The following WDR26 variants were observed in gnomAD, a reference collection of about 807,000 sequenced individuals.
WDR26 encodes the protein WD repeat-containing protein 26.
WDR26 carries 5 observed loss-of-function variants against 84.1 expected under a neutral mutation model. The ratio of observed to expected loss-of-function variants is 0.06; its 90% CI spans 0.03 to 0.13. The LOEUF (loss-of-function observed/expected upper bound fraction) is 0.13. Among genes scored for constraint, WDR26 ranks in the 10% least tolerant of loss-of-function variants. The pLI is 1.00. For missense variants in WDR26, 642 were observed against 974.9 expected (o/e 0.66, Z 4.55); for synonymous variants, 415 against 389.6 (o/e 1.07, Z -0.77).
chr1:224,393,863 C>A lies in WDR26; in HGVS notation c.2225G>T (p.Gly742Val). The change falls in exon 13 of 14, where the codon GGA becomes GTA. Residue 742 changes from glycine to valine, a missense_variant. Gly to Val is a moderately radical substitution (Grantham distance 109). Around this residue, in one of 2 missense-constraint regions of WDR26, gnomAD observed 351 missense variants for 672.8 expected, o/e 0.52. Transcript: ENST00000414423. ...CTGGTGGTCTATAAAAGGTGCTGGTCCCCATATTCTAACAGTGCCATCATC... is the reference window on the plus strand; with the variant it reads ...CTGGTGGTCTATAAAAGGTGCTGGTACCCATATTCTAACAGTGCCATCATC... The A allele has an allele frequency of 6.4e-7, 1 of 1,570,738 alleles. No homozygotes were observed. The highest frequency in any genetic ancestry group is 1.1e-5 in the South Asian group (1 of 87,206).
chr1:224,402,297 T>C (rs1673440583), intron 8 of WDR26, among the ~76,000 whole-genome samples: 1 of 152,180 alleles, frequency 6.6e-6, no homozygotes, highest in Non-Finnish European at 1.5e-5. Context: ...TATTTACTCT[T>C]TTGGGTTGAC....
chr1:224,433,596 C>A lies in WDR26; in HGVS notation c.722+88G>T, dbSNP rs960416951. 8 of 720,758 alleles carry A rather than the reference C, an allele frequency of 1.1e-5. 1 individual carries two copies. Among genetic ancestry groups the A allele is most frequent in the Middle Eastern group, 4.2e-4 (1 of 2,356 alleles). The allele number at this position is 720,758 out of a possible 1,614,324, so 44.6% of individuals were successfully genotyped here. The stretch of plus-strand genomic sequence containing the variant: ...CTCTTTGACCGAGCTCTTTCAAGCC[C>A]CCCTCCCCCCTCCGCCCCTTCCCCT... On this transcript the variant is annotated intron_variant, in intron 1 of 13. Transcript: ENST00000414423.
At chr1:224,393,205 T>G (rs1452496655) in intron 13 of WDR26, among the ~76,000 whole-genome samples, 1 of 152,238 alleles carries the variant, frequency 6.6e-6, no homozygotes, top group Non-Finnish European at 1.5e-5. Flanking sequence ...AGTTTTGCCA[T>G]GCTGCAGTTT....
intron 8 of WDR26, among the ~76,000 whole-genome samples, chr1:224,402,266 A>C (rs1244855726): frequency 6.6e-6 from 1 of 152,212 alleles, no homozygotes. Context: ...TCCTTCCCCC[A>C]AATTGTTAAC....
chr1:224,424,677 T>C (rs2102919593), intron 3 of WDR26, 23 bp from the exon 4 acceptor site: 1 of 1,614,014 alleles, frequency 6.2e-7, no homozygotes, highest in Non-Finnish European at 8.5e-7. Context: ...AAAGCAGCAG[T>C]CAGGGGAAAA....
At chr1:224,398,464 TAA>T in intron 11 of WDR26, 49 bp downstream of exon 11, 5 of 1,477,884 alleles carry the variant, frequency 3.4e-6, no homozygotes, top group Non-Finnish European at 4.6e-6. Flanking sequence ...ACAGTTAAAA[TAA>T]AACTTGTACT....
At position 224,411,423 on chromosome 1, in the gene WDR26, A is replaced by G. The variant is rs1340932160; in HGVS notation, c.1458+4T>C. 2 of 1,607,704 alleles carry G rather than the reference A, an allele frequency of 1.2e-6. No individual in the cohort carries two copies. The highest frequency in any genetic ancestry group is 2.7e-5 in the African/African-American group (2 of 74,686). On this transcript the variant is annotated splice_donor_region_variant and intron_variant, in intron 7 of 13. Transcript: ENST00000414423. The stretch of plus-strand genomic sequence containing the variant: ...AATATAAACACTCATATTGGGGTAC[A>G]TACCGGATCAACTTGCCATATGATA...
At position 224,431,490 on chromosome 1, in the gene WDR26, A is replaced by C. The variant is rs1439616777; in HGVS notation, c.914T>G (p.Leu305Trp). ...AAGTGTATTTACCACAATTATTCCC[A>C]ACAACGTTTGAGAGATTTCAAGTGC... Residue 305 changes from leucine (L) to tryptophan (W), a missense_variant, in exon 3 of 14, where the codon TTG becomes TGG. Around this residue, in one of 2 missense-constraint regions of WDR26, gnomAD observed 351 missense variants for 672.8 expected, o/e 0.52. Coordinates refer to ENST00000414423, the MANE Select transcript of WDR26 (RefSeq NM_001379403.1). 2 of 1,613,858 alleles carry C rather than the reference A, an allele frequency of 1.2e-6. No homozygotes were observed. The highest frequency in any genetic ancestry group is 2.2e-5 in the East Asian group (1 of 44,874).
intron 13 of WDR26, among the ~76,000 whole-genome samples, chr1:224,392,659 C>T: frequency 6.6e-6 from 1 of 152,106 alleles, no homozygotes; most frequent in South Asian, 2.1e-4. Flanking sequence ...AAATACCCTT[C>T]AAGGTTCTGG....
chr1:224,431,136 T>C (rs1674379871), intron 3 of WDR26: 1 of 192,854 alleles, frequency 5.2e-6, no homozygotes, highest in South Asian at 8.7e-5. Flanking sequence ...ACATTTTCTC[T>C]TTAACCAGCA....
At chr1:224,428,536 A>G (rs570801378) in intron 3 of WDR26, among the ~76,000 whole-genome samples, 114 of 152,296 alleles carry the variant, frequency 7.5e-4, no homozygotes, top group Non-Finnish European at 1.2e-3. Flanking sequence ...AAAGTTTTCT[A>G]TTATTGGTCT....
intron 6 of WDR26, among the ~76,000 whole-genome samples, chr1:224,415,371 G>A (rs1026381954): frequency 1.3e-5 from 2 of 151,934 alleles, no homozygotes; most frequent in African/African-American, 4.8e-5. Flanking sequence ...CTGTAGCTCT[G>A]GCCTGTATCT....
intron 13 of WDR26, among the ~76,000 whole-genome samples, chr1:224,393,337 G>T (rs1202270247): frequency 6.6e-6 from 1 of 152,152 alleles, no homozygotes; most frequent in Non-Finnish European, 1.5e-5. Context: ...ATCAATTTTA[G>T]TTCTCTCTTC....
intron 2 of WDR26, 26 bp from the exon 3 acceptor site, chr1:224,431,607 A>G (rs1232773446): frequency 6.2e-7 from 1 of 1,611,740 alleles, no homozygotes; most frequent in African/African-American, 1.3e-5. Context: ...TAAAAGAAAA[A>G]CAGAAATGTC....
chr1:224,418,261 T>C lies in WDR26; in HGVS notation c.1318A>G (p.Arg440Gly). 1 of 1,595,926 alleles carries C rather than the reference T, an allele frequency of 6.3e-7. No homozygotes were observed. The highest frequency in any genetic ancestry group is 8.5e-7 in the Non-Finnish European group (1 of 1,174,050). The change falls in exon 6 of 14, where the codon AGG becomes GGG. Residue 440 changes from arginine to glycine, a missense_variant and splice_region_variant. Physicochemically the swap from Arg to Gly is moderately radical, Grantham distance 125. Transcript: ENST00000414423. ...GAATATAGGAAGTTTTCCTCTTACC[T>C]ACTACAAACATGGTCTATAAGCAGA...
intron 11 of WDR26, 51 bp downstream of exon 11, chr1:224,398,464 T>G (rs1199337695): frequency 2.0e-6 from 3 of 1,477,766 alleles, no homozygotes; most frequent in Non-Finnish European, 2.8e-6. Flanking sequence ...ACAGTTAAAA[T>G]AAAACTTGTA....
chr1:224,431,322 C>T, intron 3 of WDR26, 155 bp downstream of exon 3: 1 of 614,782 alleles, frequency 1.6e-6, no homozygotes, highest in Non-Finnish European at 2.8e-6. Flanking sequence ...AAATAAAACT[C>T]ATACTTTAAA....
At chr1:224,403,551 G>A (rs1673474763) in intron 8 of WDR26, among the ~76,000 whole-genome samples, 1 of 152,002 alleles carries the variant, frequency 6.6e-6, no homozygotes, top group Admixed American at 6.6e-5. Flanking sequence ...ATAACTACAG[G>A]GTTTCTAAAA....
chr1:224,397,940 G>T, intron 12 of WDR26, 157 bp downstream of exon 12: 1 of 845,268 alleles, frequency 1.2e-6, no homozygotes, highest in Non-Finnish European at 1.8e-6. Context: ...TAATACAGGG[G>T]CTTAGGTCAT....
Sources: gnomAD v4.1 joint callset for allele counts (sites outside exome capture counted in the v4.1 genomes callset) on GRCh38, gnomAD v4.1.1 for gene constraint, gnomAD v4.1.1 regional missense constraint, MANE v1.5 for transcripts, NCBI Gene and HGNC (gene_info 2026-07-23, HGNC 2026-07-21) for gene names.